The following SNX29 variants were observed in gnomAD, a reference collection of about 807,000 sequenced individuals.
SNX29 encodes the protein sorting nexin-29.
A neutral mutation model predicts 102.1 loss-of-function variants in SNX29; 78 were observed. That is an observed-to-expected ratio of 0.76 (90% confidence interval 0.64 to 0.92). SNX29 has a LOEUF of 0.92. Among genes scored for constraint, SNX29 ranks in the 40% least tolerant of loss-of-function variants. The pLI is 0.00. For synonymous variants in SNX29, 580 were observed against 414.5 expected (o/e 1.40, Z -4.85); for missense variants, 1,280 against 1,061.7 (o/e 1.21, Z -2.86).
chr16:12,402,943 C>A (rs1032230508), intron 17 of SNX29, among the ~76,000 whole-genome samples: 1 of 152,134 alleles, frequency 6.6e-6, no homozygotes, highest in Non-Finnish European at 1.5e-5. Flanking sequence ...CTCCTGAGCT[C>A]GTTTGTGGAG....
At chr16:12,351,521 T>G (rs993490060) in intron 15 of SNX29, among the ~76,000 whole-genome samples, 1 of 152,148 alleles carries the variant, frequency 6.6e-6, no homozygotes, top group African/African-American at 2.4e-5. Flanking sequence ...GAAGCATGAT[T>G]TACTTGAATG....
intron 20 of SNX29, among the ~76,000 whole-genome samples, chr16:12,562,467 G>C (rs1262376050): frequency 6.6e-6 from 1 of 152,172 alleles, no homozygotes; most frequent in Non-Finnish European, 1.5e-5. Context: ...CCCTTCATAG[G>C]CTAGGAACTC....
intron 20 of SNX29, among the ~76,000 whole-genome samples, chr16:12,555,843 C>A (rs1184577517): frequency 1.3e-5 from 2 of 152,214 alleles, no homozygotes; most frequent in Admixed American, 6.5e-5. Flanking sequence ...GACCAACCCC[C>A]CTCACCACCT....
chr16:12,195,601 C>G (rs1323879385), intron 13 of SNX29, among the ~76,000 whole-genome samples: 1 of 152,228 alleles, frequency 6.6e-6, no homozygotes, highest in Admixed American at 6.5e-5. Context: ...GTGCAGGAGT[C>G]TTAACCGCCC....
intron 14 of SNX29, among the ~76,000 whole-genome samples, chr16:12,208,467 A>C (rs1055379065): frequency 2.0e-5 from 3 of 152,210 alleles, no homozygotes; most frequent in African/African-American, 7.2e-5. Context: ...GGTGTCCAAG[A>C]ATGTGCTAGC....
At chr16:12,294,489 G>C (rs1322753306) in intron 15 of SNX29, among the ~76,000 whole-genome samples, 1 of 152,106 alleles carries the variant, frequency 6.6e-6, no homozygotes, top group Non-Finnish European at 1.5e-5. Flanking sequence ...GACTCACCCT[G>C]TCTACTCCCA....
intron 18 of SNX29, among the ~76,000 whole-genome samples, chr16:12,456,552 T>C (rs1420509060): frequency 6.6e-6 from 1 of 151,882 alleles, no homozygotes; most frequent in Non-Finnish European, 1.5e-5. Context: ...GCGAAAGTGA[T>C]GTATACCTGG....
Position 12,524,675 on chromosome 16 carries a change from A to C in SNX29, c.2179-27A>C, listed in dbSNP as rs897598612. 3.7e-6 allele frequency: 6 copies of C among 1,609,880 alleles called. No individual in the cohort carries two copies. In the African/African-American group the frequency reaches 6.7e-5, roughly 18 times the overall value. ...CTGACCAGGTGAGGAAGACGTACCA[A>C]AGCGAAGATGTTTTGTGTTTCCTCA... On this transcript the variant is annotated intron_variant, in intron 19 of 20. Transcript: ENST00000566228.
intron 18 of SNX29, among the ~76,000 whole-genome samples, chr16:12,457,716 C>T (rs1477145265): frequency 6.6e-6 from 1 of 152,134 alleles, no homozygotes; most frequent in African/African-American, 2.4e-5. Flanking sequence ...TGCAAGCCTG[C>T]AAGATGGAAA....
intron 20 of SNX29, among the ~76,000 whole-genome samples, chr16:12,544,383 G>A (rs140434499): frequency 0.01 from 1,525 of 152,328 alleles, 28 homozygotes; most frequent in African/African-American, 0.034. Flanking sequence ...AGTGGAAGGC[G>A]TTGTGAGGTG....
rs1055830867 is a variant in SNX29, at chr16:12,573,379, C to G, written c.*4750C>G. 1.3e-5 allele frequency: 3 copies of G among 224,540 alleles called. No individual in the cohort carries two copies. Among genetic ancestry groups the G allele is most frequent in the African/African-American group, 6.7e-5 (3 of 44,852 alleles). The allele number at this position is 224,540 out of a possible 1,614,324, so 13.9% of individuals were successfully genotyped here. A position where few individuals can be genotyped will look rare whatever the true frequency, so the allele number is the denominator to read the frequency against. The stretch of plus-strand genomic sequence containing the variant: ...AAATCCCAGCAACCAAGTTGCGTAT[C>G]CTTCCTTATAGCTAGTTTCTATAGA... On this transcript the variant is annotated 3_prime_UTR_variant, in exon 21 of 21. Transcript: ENST00000566228.
intron 14 of SNX29, among the ~76,000 whole-genome samples, chr16:12,253,918 G>A (rs926542791): frequency 1.3e-5 from 2 of 152,138 alleles, no homozygotes; most frequent in African/African-American, 4.8e-5. Context: ...ACCAGTTGGG[G>A]AAGTGAGAAT....
At chr16:12,482,799 G>C (rs2088009221) in intron 19 of SNX29, among the ~76,000 whole-genome samples, 1 of 152,180 alleles carries the variant, frequency 6.6e-6, no homozygotes, top group South Asian at 2.1e-4. Context: ...GTGATTGTCT[G>C]ACAGTTTTAT....
intron 18 of SNX29, among the ~76,000 whole-genome samples, chr16:12,460,242 G>T (rs368567378): frequency 6.6e-6 from 1 of 152,226 alleles, no homozygotes; most frequent in African/African-American, 2.4e-5. Flanking sequence ...GCCTAGTGCG[G>T]CTGAAACTTT....
chr16:12,532,540 G>A (rs533517517), intron 20 of SNX29, among the ~76,000 whole-genome samples: 1 of 152,174 alleles, frequency 6.6e-6, no homozygotes, highest in South Asian at 2.1e-4. Context: ...CTTATGATTT[G>A]GAGAATTCCT....
intron 18 of SNX29, among the ~76,000 whole-genome samples, chr16:12,463,049 C>T (rs549814071): frequency 5.9e-4 from 90 of 152,316 alleles, no homozygotes; most frequent in South Asian, 2.7e-3. Flanking sequence ...CTCAGGGACT[C>T]GCCCCTTGTG....
In SNX29 at chr16:11,984,073, C is replaced by G. The variant is rs143841154; in HGVS notation, c.7+7260C>G. ...GGGGGAAAGAATGAAAAAGATTGAG[C>G]TGGACACAGTGGCTCACACCTGTAA... On this transcript the variant is annotated intron_variant, in intron 1 of 20. Coordinates refer to ENST00000566228, the MANE Select transcript of SNX29 (RefSeq NM_032167.5). Among the ~76,000 whole-genome samples, 5 of 152,260 alleles carry G rather than the reference C, an allele frequency of 3.3e-5. No homozygotes were observed. The East Asian group carries it at 5.8e-4, about 18-fold the overall frequency.
intron 20 of SNX29, among the ~76,000 whole-genome samples, chr16:12,529,903 A>C (rs1414066888): frequency 6.6e-6 from 1 of 152,140 alleles, no homozygotes; most frequent in Non-Finnish European, 1.5e-5. Flanking sequence ...GACTGGCCAG[A>C]ACCTTCCAGA....
At position 12,397,608 on chromosome 16, in the gene SNX29, T is replaced by A. The variant is rs79712982; in HGVS notation, c.1900-838T>A. Among the ~76,000 whole-genome samples the A allele has an allele frequency of 2.8e-3, 431 of 152,316 alleles. 2 individuals are homozygous for A. The highest frequency in any genetic ancestry group is 4.3e-3 in the Non-Finnish European group (293 of 68,026). ...AGTCTTGATCCTCCTTCTTAAAATTTTAGCCAATTTAGTTTCTAGCAGATC... is the reference window on the plus strand; with the variant it reads ...AGTCTTGATCCTCCTTCTTAAAATTATAGCCAATTTAGTTTCTAGCAGATC... On this transcript the variant is annotated intron_variant, in intron 16 of 20. Transcript: ENST00000566228.
Sources: gnomAD v4.1 joint callset for allele counts (sites outside exome capture counted in the v4.1 genomes callset) on GRCh38, gnomAD v4.1.1 for gene constraint, MANE v1.5 for transcripts, NCBI Gene and HGNC (gene_info 2026-07-23, HGNC 2026-07-21) for gene names.